The following NAALADL2 variants were observed in gnomAD, a reference collection of about 807,000 sequenced individuals.
NAALADL2 encodes N-acetylated alpha-linked acidic dipeptidase like 2, also known as inactive N-acetylated-alpha-linked acidic dipeptidase-like protein 2.
A neutral mutation model predicts 87.2 loss-of-function variants in NAALADL2; 76 were observed. The ratio of observed to expected loss-of-function variants is 0.87; its 90% CI spans 0.72 to 1.05. The LOEUF (loss-of-function observed/expected upper bound fraction) is 1.05. Ranked by LOEUF, NAALADL2 falls within the 50% of genes least tolerant of loss-of-function variation. The pLI, the probability that NAALADL2 is intolerant of heterozygous loss-of-function variation, is 0.00. For synonymous variants in NAALADL2, 354 were observed against 331.0 expected (o/e 1.07, Z -0.75); for missense variants, 1,089 against 945.8 (o/e 1.15, Z -1.99).
intron 1 of NAALADL2, among the ~76,000 whole-genome samples, chr3:174,505,117 G>C (rs1173651155): frequency 2.0e-5 from 3 of 152,112 alleles, no homozygotes; most frequent in Non-Finnish European, 2.9e-5. Flanking sequence ...CAGCTGATAA[G>C]TTGTCTCAAA....
intron 2 of NAALADL2, among the ~76,000 whole-genome samples, chr3:175,162,773 A>G (rs1461392306): frequency 6.6e-6 from 1 of 152,144 alleles, no homozygotes; most frequent in African/African-American, 2.4e-5. Context: ...TTGTTTGTTC[A>G]TATTAATTTG....
At chr3:174,769,905 C>T (rs969428462) in intron 3 of NAALADL2, among the ~76,000 whole-genome samples, 1 of 151,866 alleles carries the variant, frequency 6.6e-6, no homozygotes, top group Admixed American at 6.6e-5. Context: ...TTTTCAATAA[C>T]CAAATTTTAG....
At chr3:175,241,420 C>G (rs980764876) in intron 3 of NAALADL2, among the ~76,000 whole-genome samples, 1 of 151,890 alleles carries the variant, frequency 6.6e-6, no homozygotes, top group Non-Finnish European at 1.5e-5. Flanking sequence ...GGGGTTTCAA[C>G]ATGTTCACCA....
intron 9 of NAALADL2, among the ~76,000 whole-genome samples, chr3:175,564,810 T>A (rs1330673620): frequency 1.3e-5 from 2 of 152,212 alleles, no homozygotes; most frequent in East Asian, 3.9e-4. Flanking sequence ...GTCGTATCTT[T>A]TCAACGTGTT....
chr3:174,454,723 CAGTT>C (rs1715710457), intron 1 of NAALADL2, among the ~76,000 whole-genome samples: 1 of 152,094 alleles, frequency 6.6e-6, no homozygotes, highest in African/African-American at 2.4e-5. Context: ...CTCTGGGACA[CAGTT>C]AAAGCAATGT....
intron 11 of NAALADL2, among the ~76,000 whole-genome samples, chr3:175,735,653 T>C (rs1485213360): frequency 1.3e-5 from 2 of 152,038 alleles, no homozygotes; most frequent in Non-Finnish European, 2.9e-5. Flanking sequence ...CACCATCAGA[T>C]CTTGTGAGAC....
At chr3:175,476,444 G>A (rs1340465001) in intron 9 of NAALADL2, among the ~76,000 whole-genome samples, 1 of 152,140 alleles carries the variant, frequency 6.6e-6, no homozygotes, top group East Asian at 1.9e-4. Context: ...TCACAGGAAA[G>A]GGAAAATATG....
intron 2 of NAALADL2, among the ~76,000 whole-genome samples, chr3:174,570,688 C>T (rs977068953): frequency 1.3e-5 from 2 of 152,050 alleles, no homozygotes; most frequent in Non-Finnish European, 2.9e-5. Flanking sequence ...TTTCCTTTTC[C>T]CATTTGGTAT....
chr3:175,657,291 T>C (rs928494935), intron 11 of NAALADL2, among the ~76,000 whole-genome samples: 3 of 152,178 alleles, frequency 2.0e-5, no homozygotes, highest in African/African-American at 7.2e-5. Context: ...CTTAAAAAAC[T>C]AATTCAAAGG....
At chr3:175,014,806 C>A (rs1750607688) in intron 1 of NAALADL2, among the ~76,000 whole-genome samples, 1 of 151,972 alleles carries the variant, frequency 6.6e-6, no homozygotes, top group Admixed American at 6.6e-5. Context: ...ATTCATATTG[C>A]ACATTCTATT....
chr3:174,631,137 T>A (rs983036335), intron 2 of NAALADL2, among the ~76,000 whole-genome samples: 2 of 152,212 alleles, frequency 1.3e-5, no homozygotes, highest in Non-Finnish European at 2.9e-5. Flanking sequence ...GTTTACTGTA[T>A]GTGGTCAAAT....
At chr3:175,574,554 G>T (rs1370629988) in intron 9 of NAALADL2, among the ~76,000 whole-genome samples, 1 of 152,094 alleles carries the variant, frequency 6.6e-6, no homozygotes, top group Non-Finnish European at 1.5e-5. Context: ...TCCAGCTCCA[G>T]TTTCTCTTGT....
intron 2 of NAALADL2, among the ~76,000 whole-genome samples, chr3:175,136,491 A>AG (rs1729134590): frequency 6.6e-6 from 1 of 152,226 alleles, no homozygotes; most frequent in Non-Finnish European, 1.5e-5. Context: ...TATAGGTTGA[A>AG]GGAATGATTA....
chr3:175,698,473 G>GTGTATATA (rs1553953616), intron 11 of NAALADL2, among the ~76,000 whole-genome samples: 5 of 82,092 alleles, frequency 6.1e-5, no homozygotes, highest in African/African-American at 4.7e-4. Context: ...ATATATGTGT[G>GTGTATATA]TATATATATT....
At chr3:174,711,147 A>G (rs942902295) in intron 2 of NAALADL2, among the ~76,000 whole-genome samples, 2 of 152,138 alleles carry the variant, frequency 1.3e-5, no homozygotes, top group Non-Finnish European at 2.9e-5. Flanking sequence ...AAATCCATAT[A>G]CTACACTTCC....
rs537391702 is a variant in NAALADL2 at position 174,852,492 on chromosome 3, G to T, written c.-9+114746G>T. On this transcript the variant is annotated intron_variant, in intron 3 of 3. Transcript: ENST00000434257. The stretch of plus-strand genomic sequence containing the variant: ...AGCTATAGATAAAATTAAATACTTT[G>T]GAATAAACTTAACCAAATAAGTGAA... 3.3e-5 allele frequency among the ~76,000 whole-genome samples: 5 copies of T among 151,928 alleles called. No homozygotes were observed. In the South Asian group the frequency reaches 1.0e-3, roughly 32 times the overall value.
intron 5 of NAALADL2, among the ~76,000 whole-genome samples, chr3:175,362,335 G>T (rs2148912940): frequency 6.7e-6 from 1 of 148,184 alleles, no homozygotes; most frequent in African/African-American, 2.5e-5. Flanking sequence ...GCTTAGGATT[G>T]TCTTGGCAAT....
intron 13 of NAALADL2, among the ~76,000 whole-genome samples, chr3:175,797,345 T>C (rs779777285): frequency 1.3e-5 from 2 of 152,176 alleles, no homozygotes; most frequent in African/African-American, 2.4e-5. Context: ...TTAGGTCTGA[T>C]GTCTCTACAT....
intron 12 of NAALADL2, among the ~76,000 whole-genome samples, chr3:175,741,953 C>T (rs554158312): frequency 1.3e-5 from 2 of 152,182 alleles, no homozygotes; most frequent in Non-Finnish European, 2.9e-5. Context: ...TACAGAAAGG[C>T]GGGACCACTC....
Sources: gnomAD v4.1 joint callset for allele counts (sites outside exome capture counted in the v4.1 genomes callset) on GRCh38, gnomAD v4.1.1 for gene constraint, MANE v1.5 for transcripts, NCBI Gene and HGNC (gene_info 2026-07-23, HGNC 2026-07-21) for gene names.